The following APP variants were observed in gnomAD, a reference collection of about 807,000 sequenced individuals.
The protein encoded by APP is amyloid-beta precursor protein.
APP carries 31 observed loss-of-function variants against 101.4 expected under a neutral mutation model. The observed-to-expected ratio is 0.31, with a 90% CI of 0.23 to 0.41. APP has a LOEUF of 0.41. Ranked by LOEUF, APP falls within the 10% of genes least tolerant of loss-of-function variation. APP has a pLI of 1.00. For missense variants in APP, 839 were observed against 1,003.7 expected (o/e 0.84, Z 2.22); for synonymous variants, 366 against 364.4 (o/e 1.00, Z -0.05).
chr21:25,898,841 C>T (rs1377289056), intron 15 of APP, among the ~76,000 whole-genome samples: 1 of 152,206 alleles, frequency 6.6e-6, no homozygotes, highest in African/African-American at 2.4e-5. Flanking sequence ...GGGGAATTCA[C>T]TTCCTGCTCT....
chr21:26,090,974 A>G (rs1188091644), intron 2 of APP, among the ~76,000 whole-genome samples: 1 of 152,248 alleles, frequency 6.6e-6, no homozygotes, highest in African/African-American at 2.4e-5. Context: ...AGCACTTAGA[A>G]TGAAATGTGA....
intron 1 of APP, among the ~76,000 whole-genome samples, chr21:26,166,496 A>C (rs954613983): frequency 1.3e-5 from 2 of 152,156 alleles, no homozygotes; most frequent in African/African-American, 4.8e-5. Context: ...TCTGTCTACA[A>C]AGCCAATCTC....
intron 1 of APP, among the ~76,000 whole-genome samples, chr21:26,160,741 C>T (rs1342936846): frequency 3.3e-5 from 5 of 152,108 alleles, no homozygotes; most frequent in Non-Finnish European, 5.9e-5. Context: ...CATTTTCTTT[C>T]CAAACTCTAC....
chr21:25,941,462 A>G (rs942338100), intron 13 of APP: 1 of 152,192 alleles, frequency 6.6e-6, no homozygotes, highest in African/African-American at 2.4e-5. Context: ...GATGTGTATC[A>G]TTTACTTTTA....
intron 6 of APP, chr21:26,009,987 T>A (rs951713667): frequency 3.2e-5 from 5 of 157,368 alleles, no homozygotes; most frequent in Non-Finnish European, 7.1e-5. Flanking sequence ...TGCCTCTAGA[T>A]GTAGGTCATG....
At chr21:25,914,449 C>T (rs2039238851) in intron 13 of APP, among the ~76,000 whole-genome samples, 1 of 148,706 alleles carries the variant, frequency 6.7e-6, no homozygotes, top group South Asian at 2.1e-4. Flanking sequence ...GGACTACTGC[C>T]TTCTAAAAGG....
In APP at chr21:25,982,378, C is replaced by G. The variant is rs913378009; in HGVS notation, c.1190G>C (p.Arg397Thr). The G allele has an allele frequency of 3.7e-6, 6 of 1,613,762 alleles. No individual in the cohort carries two copies. Among genetic ancestry groups the G allele is most frequent in the East Asian group, 2.2e-5 (1 of 44,880 alleles). ...EHAHFQKAKE[R>T]LEAKHRERMS... ...TCTCTCTCGGTGCTTGGCCTCAAGC[C>G]TCTCTTTGGCTTTCTGGAAATGGGC... The change falls in exon 9 of 18, where the codon AGG becomes ACG. Residue 397 changes from arginine (R) to threonine (T), a missense_variant. Transcript: ENST00000346798.
chr21:25,937,141 A>G (rs1463735513), intron 13 of APP, among the ~76,000 whole-genome samples: 1 of 152,174 alleles, frequency 6.6e-6, no homozygotes, highest in African/African-American at 2.4e-5. Flanking sequence ...AGGCAGTGGG[A>G]AAAATCCAAA....
chr21:26,140,091 CAG>C (rs767846055), intron 1 of APP: 63 of 1,203,076 alleles, frequency 5.2e-5, no homozygotes, highest in Non-Finnish European at 7.5e-5. Flanking sequence ...TGTCTGAGAA[CAG>C]AGTTTCATCT....
chr21:25,978,517 T>C lies in APP; in HGVS notation c.1225-2489A>G, dbSNP rs150566703. On this transcript the variant is annotated intron_variant, in intron 9 of 17. Coordinates refer to ENST00000346798, the MANE Select transcript of APP (RefSeq NM_000484.4). ...AGGGAAGAATATAAACCAAGATCTCTGTGGCTCTAAAGATCATGTTTTTGT... is the reference window on the plus strand; with the variant it reads ...AGGGAAGAATATAAACCAAGATCTCCGTGGCTCTAAAGATCATGTTTTTGT... 7.2e-3 allele frequency among the ~76,000 whole-genome samples: 1,101 copies of C among 152,330 alleles called. 16 individuals are homozygous for C. Among genetic ancestry groups the C allele is most frequent in the African/African-American group, 0.026 (1,061 of 41,576 alleles).
At chr21:25,948,793 A>G (rs1384280549) in intron 13 of APP, among the ~76,000 whole-genome samples, 1 of 152,238 alleles carries the variant, frequency 6.6e-6, no homozygotes, top group East Asian at 1.9e-4. Flanking sequence ...CAGAGATTTA[A>G]GGAAGATTAC....
At position 26,000,146 on chromosome 21, in the gene APP, C is replaced by T. The variant is rs539326715; in HGVS notation, c.902G>A (p.Arg301Gln). The change falls in exon 7 of 18, where the codon CGA becomes CAA. Residue 301 changes from arginine (R) to glutamine (Q), a missense_variant. By Grantham distance (43) the Arg-to-Gln change is conservative. Coordinates refer to ENST00000346798, the MANE Select transcript of APP (RefSeq NM_000484.4). ...CSEQAETGPCRAMISRWYFDV... is the reference protein window; with the variant it reads ...CSEQAETGPCQAMISRWYFDV... ...AAAGTACCAGCGGGAGATCATTGCT[C>T]GGCACGGCCCCGTCTCGGCTTGTTC... 7.4e-6 allele frequency: 12 copies of T among 1,614,088 alleles called. No homozygotes were observed. In the East Asian group the frequency reaches 1.1e-4, roughly 15 times the overall value.
At chr21:26,060,020 C>T (rs1319091284) in intron 3 of APP, among the ~76,000 whole-genome samples, 1 of 149,804 alleles carries the variant, frequency 6.7e-6, no homozygotes, top group Non-Finnish European at 1.5e-5. Context: ...CCCTAAAGTA[C>T]TCAACTAGTG....
At chr21:26,089,085 A>G (rs2061764339) in intron 3 of APP, among the ~76,000 whole-genome samples, 1 of 152,234 alleles carries the variant, frequency 6.6e-6, no homozygotes, top group Non-Finnish European at 1.5e-5. Flanking sequence ...AGAAGTCATC[A>G]GAATATACAT....
chr21:26,153,822 A>G (rs1021172254), intron 1 of APP, among the ~76,000 whole-genome samples: 4 of 152,250 alleles, frequency 2.6e-5, no homozygotes, highest in African/African-American at 9.6e-5. Flanking sequence ...GTTTAATTAA[A>G]TCTAAAATCA....
chr21:25,932,077 G>A (rs113360791), intron 13 of APP, among the ~76,000 whole-genome samples: 285 of 152,336 alleles, frequency 1.9e-3, no homozygotes, highest in Middle Eastern at 0.01. Flanking sequence ...TAATTGCAGT[G>A]CTTAACGTAA....
intron 5 of APP, among the ~76,000 whole-genome samples, chr21:26,047,127 A>G (rs578006357): frequency 6.6e-6 from 1 of 152,294 alleles, no homozygotes; most frequent in South Asian, 2.1e-4. Context: ...GCCTATGTTA[A>G]AGATTTACCT....
intron 1 of APP, among the ~76,000 whole-genome samples, chr21:26,147,071 T>A (rs577252752): frequency 6.6e-6 from 1 of 152,364 alleles, no homozygotes; most frequent in African/African-American, 2.4e-5. Context: ...GCATGGGATG[T>A]GCAGTTTTAA....
At chr21:26,002,579 T>C (rs2043347188) in intron 6 of APP, among the ~76,000 whole-genome samples, 1 of 152,238 alleles carries the variant, frequency 6.6e-6, no homozygotes. Flanking sequence ...CAGGCAGTGT[T>C]AATTCCAATA....
Sources: gnomAD v4.1 joint callset for allele counts (sites outside exome capture counted in the v4.1 genomes callset) on GRCh38, gnomAD v4.1.1 for gene constraint, MANE v1.5 for transcripts, NCBI Gene and HGNC (gene_info 2026-07-23, HGNC 2026-07-21) for gene names.